The following BNC2 variants were observed in gnomAD, a reference collection of about 807,000 sequenced individuals.
BNC2 encodes the protein basonuclin zinc finger protein 2, also known as zinc finger protein basonuclin-2.
In BNC2, 20 loss-of-function variants were observed where a neutral mutation model predicts 76.3. The ratio of observed to expected loss-of-function variants is 0.26; its 90% CI spans 0.18 to 0.38. The LOEUF (loss-of-function observed/expected upper bound fraction) is 0.38, where lower values mean the gene tolerates loss of function less well. BNC2 is among the 10% of genes least tolerant of loss of function. The probability of loss-of-function intolerance (pLI) is 1.00; values close to 1 mark genes in which losing one functional copy is unlikely to be tolerated. For missense variants in BNC2, 1,382 were observed against 1,399.8 expected, an observed-to-expected ratio of 0.99 and a Z score of 0.20; for synonymous variants, 582 against 514.8, an observed-to-expected ratio of 1.13 and a Z score of -1.77.
intron 1 of BNC2, among the ~76,000 whole-genome samples, chr9:16,862,880 G>A (rs1458198436): frequency 1.3e-5 from 2 of 149,850 alleles, no homozygotes; most frequent in Non-Finnish European, 3.0e-5. Context: ...AGATGACCAC[G>A]GCAGATTCAT....
At chr9:16,674,860 T>C (rs562208520) in intron 3 of BNC2, among the ~76,000 whole-genome samples, 17 of 152,216 alleles carry the variant, frequency 1.1e-4, no homozygotes, top group Non-Finnish European at 2.2e-4. Flanking sequence ...CACTTTTATG[T>C]TCTTGGGCAA....
intron 5 of BNC2, among the ~76,000 whole-genome samples, chr9:16,530,728 G>A (rs1778034382): frequency 6.6e-6 from 1 of 152,192 alleles, no homozygotes; most frequent in Non-Finnish European, 1.5e-5. Context: ...TAAGCTGTGT[G>A]GGCAGAACTT....
At position 16,411,141 on chromosome 9, in the gene BNC2, C is replaced by G. The variant is rs1327178038; in HGVS notation, c.*7848G>C. The G allele has an allele frequency of 2.0e-5, 3 of 152,550 alleles. No individual in the cohort carries two copies. Among genetic ancestry groups the G allele is most frequent in the Non-Finnish European group, 4.4e-5 (3 of 68,070 alleles). The allele number at this position is 152,550 out of a possible 1,614,324, so 9.4% of individuals were successfully genotyped here. ...TCCAGGGCCAGATGAATGGAGCTCT[C>G]TCACACACCCAGGGTCTCCCCAGAG... On this transcript the variant is annotated 3_prime_UTR_variant, in exon 7 of 7. Coordinates refer to ENST00000380672, the MANE Select transcript of BNC2 (RefSeq NM_017637.6).
At chr9:16,795,407 C>G (rs1337768999) in intron 1 of BNC2, among the ~76,000 whole-genome samples, 1 of 148,754 alleles carries the variant, frequency 6.7e-6, no homozygotes, top group Non-Finnish European at 1.5e-5. Context: ...TTTAAACACA[C>G]TCCAGAAGTC....
rs1347827109 is a variant in BNC2, at chr9:16,436,404, G to A, written c.1790C>T (p.Thr597Ile). ...GGGGTGCTGCTCTATGGTACCACTG[G>A]TTGGAATGATGGGACTGGTTGGGAG... ...TSLPTSPIIP[T>I]SGTIEQHPPP... The change falls in exon 6 of 7, where the codon ACC (threonine) becomes ATC (isoleucine). Residue 597 changes from threonine to isoleucine, a missense_variant. By Grantham distance (89) the Thr-to-Ile change is moderately conservative. Coordinates refer to ENST00000380672, the MANE Select transcript of BNC2 (RefSeq NM_017637.6). 1 of 1,614,034 alleles carries A rather than the reference G, an allele frequency of 6.2e-7. No homozygotes were observed. Among genetic ancestry groups the A allele is most frequent in the African/African-American group, 1.3e-5 (1 of 74,916 alleles).
intron 2 of BNC2, among the ~76,000 whole-genome samples, chr9:16,735,215 TGCCTACAAA>T (rs1379869112): frequency 6.6e-6 from 1 of 152,166 alleles, no homozygotes; most frequent in Non-Finnish European, 1.5e-5. Context: ...ATGAATCTTG[TGCCTACAAA>T]AGGTCAAACA....
chr9:16,530,034 G>C (rs1324734422), intron 5 of BNC2, among the ~76,000 whole-genome samples: 3 of 152,050 alleles, frequency 2.0e-5, no homozygotes, highest in African/African-American at 7.2e-5. Flanking sequence ...TTTTAGTAGA[G>C]ATGGGGTTTC....
chr9:16,688,029 C>A (rs1823026933), intron 3 of BNC2, among the ~76,000 whole-genome samples: 1 of 151,996 alleles, frequency 6.6e-6, no homozygotes, highest in Admixed American at 6.6e-5. Context: ...GATTTCTGAG[C>A]AGAAAAATAT....
intron 1 of BNC2, among the ~76,000 whole-genome samples, chr9:16,824,555 A>G (rs1407433662): frequency 6.6e-6 from 1 of 152,138 alleles, no homozygotes; most frequent in Non-Finnish European, 1.5e-5. Flanking sequence ...AGGTGCTTTC[A>G]TATTCTCAAT....
At chr9:16,430,125 A>T (rs79788726) in intron 6 of BNC2, 1 of 430,810 alleles carries the variant, frequency 2.3e-6, no homozygotes, top group African/African-American at 2.0e-5. Context: ...CTTCTGATGG[A>T]AAGTAATGGA....
chr9:16,781,123 A>C (rs1377022686), intron 1 of BNC2, among the ~76,000 whole-genome samples: 2 of 152,062 alleles, frequency 1.3e-5, no homozygotes, highest in African/African-American at 2.4e-5. Flanking sequence ...TGTTTTTATT[A>C]ATGCAAAACG....
intron 1 of BNC2, among the ~76,000 whole-genome samples, chr9:16,814,466 T>C (rs1818132651): frequency 6.6e-6 from 1 of 152,206 alleles, no homozygotes; most frequent in Non-Finnish European, 1.5e-5. Context: ...GAAATTTTAC[T>C]CCTTTCATAA....
In BNC2 at chr9:16,435,854, G is replaced by A. The variant is rs759424471; in HGVS notation, c.2340C>T (p.Asp780=). The change falls in exon 6 of 7, where the codon GAC becomes GAT. Residue 780 remains aspartate (D), a synonymous_variant. Coordinates refer to ENST00000380672, the MANE Select transcript of BNC2 (RefSeq NM_017637.6). Reference sequence around the variant, plus strand: ...TCATGTAAAACATGTCGTAAGTGGGGTCTGTAAATTCTTCCTTCACCTTGA... The same window carrying A: ...TCATGTAAAACATGTCGTAAGTGGGATCTGTAAATTCTTCCTTCACCTTGA... ...DVIKVKEEFT[D]PTYDMFYMSQ... 1.2e-6 allele frequency: 2 copies of A among 1,613,844 alleles called. No individual in the cohort carries two copies. The highest frequency in any genetic ancestry group is 1.3e-5 in the African/African-American group (1 of 75,036).
At chr9:16,581,165 T>G (rs1270939085) in intron 4 of BNC2, among the ~76,000 whole-genome samples, 1 of 152,226 alleles carries the variant, frequency 6.6e-6, no homozygotes, top group Non-Finnish European at 1.5e-5. Flanking sequence ...TATATTTGAA[T>G]ATAGGGTATT....
intron 1 of BNC2, among the ~76,000 whole-genome samples, chr9:16,746,808 A>G (rs1461337941): frequency 6.6e-6 from 1 of 151,710 alleles, no homozygotes; most frequent in Non-Finnish European, 1.5e-5. Context: ...TAAAAATACA[A>G]AAAATTAGCC....
chr9:16,860,878 T>A (rs1012452718), intron 1 of BNC2, among the ~76,000 whole-genome samples: 30 of 151,628 alleles, frequency 2.0e-4, no homozygotes, highest in Admixed American at 7.9e-4. Flanking sequence ...AAACCCTATC[T>A]CCACTAAAAA....
At chr9:16,546,262 G>C (rs531796553) in intron 5 of BNC2, among the ~76,000 whole-genome samples, 3 of 152,176 alleles carry the variant, frequency 2.0e-5, no homozygotes, top group Non-Finnish European at 4.4e-5. Context: ...CTTAATTTTA[G>C]AGAGGTATGG....
chr9:16,599,341 T>C (rs541568299), intron 3 of BNC2, among the ~76,000 whole-genome samples: 104 of 152,280 alleles, frequency 6.8e-4, no homozygotes, highest in African/African-American at 2.4e-3. Flanking sequence ...AGGAAAGAAG[T>C]AGAAATTCAA....
At chr9:16,845,516 T>C (rs555152285) in intron 1 of BNC2, among the ~76,000 whole-genome samples, 17 of 151,780 alleles carry the variant, frequency 1.1e-4, no homozygotes, top group Non-Finnish European at 1.8e-4. Flanking sequence ...GGTCAGGAGA[T>C]CGAGACCATC....
Sources: gnomAD v4.1 joint callset for allele counts (sites outside exome capture counted in the v4.1 genomes callset) on GRCh38, gnomAD v4.1.1 for gene constraint, MANE v1.5 for transcripts, NCBI Gene and HGNC (gene_info 2026-07-23, HGNC 2026-07-21) for gene names.